AMOTL1: variants seen among roughly 807,000 people sequenced by gnomAD.
The protein encoded by AMOTL1 is angiomotin like 1, also known as angiomotin-like protein 1.
A neutral mutation model predicts 102.9 loss-of-function variants in AMOTL1; 45 were observed. That is an observed-to-expected ratio of 0.44 (90% CI 0.34 to 0.56). AMOTL1 has a LOEUF of 0.56. AMOTL1 is among the 20% of genes least tolerant of loss of function. AMOTL1 has a pLI of 0.01. For missense variants in AMOTL1, 1,114 were observed against 1,225.6 expected, an observed-to-expected ratio of 0.91 and a Z score of 1.36; for synonymous variants, 481 against 484.7, an observed-to-expected ratio of 0.99 and a Z score of 0.10.
chr11:94,800,303 G>A lies in AMOTL1; in HGVS notation c.1113G>A (p.Gly371=), dbSNP rs1416108328. ...GGTACCAGCCACCCCCTGAGTATGGGGTAACGAGGTGATTATCAACTGCAG... is the reference window on the plus strand; with the variant it reads ...GGTACCAGCCACCCCCTGAGTATGGAGTAACGAGGTGATTATCAACTGCAG... ...VLRYQPPPEY[G]VTSRPCQLPF... Residue 371 remains glycine, a synonymous_variant, in exon 3 of 13, where the codon GGG becomes GGA. Transcript: ENST00000433060. 3.8e-6 allele frequency: 6 copies of A among 1,589,238 alleles called. No individual in the cohort carries two copies. The highest frequency in any genetic ancestry group is 5.1e-6 in the Non-Finnish European group (6 of 1,169,348).
intron 11 of AMOTL1, among the ~76,000 whole-genome samples, chr11:94,868,707 C>T (rs181983807): frequency 6.4e-4 from 98 of 152,192 alleles, no homozygotes; most frequent in African/African-American, 2.0e-3. Flanking sequence ...TGTCTAGGAC[C>T]GGGGAAGCCT....
upstream of AMOTL1, among the ~76,000 whole-genome samples, chr11:94,767,521 A>G (rs1446150130): frequency 6.6e-6 from 1 of 152,088 alleles, no homozygotes; most frequent in Admixed American, 6.5e-5. Context: ...CTCTCCCACT[A>G]ACATCCTGGG....
At chr11:94,778,219 A>G (rs1327849989) in intron 1 of AMOTL1, among the ~76,000 whole-genome samples, 1 of 152,192 alleles carries the variant, frequency 6.6e-6, no homozygotes, top group Non-Finnish European at 1.5e-5. Context: ...TTAGGAGGAT[A>G]TGGAGGGCAA....
rs563513512 is a variant in AMOTL1, at chr11:94,778,279, C to T, written c.49+9719C>T. ...AGTGTGGGGGTATCTTACTAGAAAT[C>T]TGCTTAAATTGAGAAAATATGATGT... On this transcript the variant is annotated intron_variant, in intron 1 of 12. Coordinates refer to ENST00000433060, the MANE Select transcript of AMOTL1 (RefSeq NM_130847.3). 2.0e-3 allele frequency among the ~76,000 whole-genome samples: 304 copies of T among 152,260 alleles called. 2 individuals are homozygous for T. Among genetic ancestry groups the T allele is most frequent in the Non-Finnish European group, 3.3e-3 (223 of 68,012 alleles).
chr11:94,751,135 T>TG (rs1950648870), intron 3 of AMOTL1, among the ~76,000 whole-genome samples: 1 of 152,128 alleles, frequency 6.6e-6, no homozygotes, highest in South Asian at 2.1e-4. Flanking sequence ...TGTTAAAGTA[T>TG]CCAGCACAGG....
chr11:94,805,042 T>A (rs1229661716), intron 3 of AMOTL1, among the ~76,000 whole-genome samples: 1 of 152,266 alleles, frequency 6.6e-6, no homozygotes, highest in Non-Finnish European at 1.5e-5. Context: ...AGCTTGCAAG[T>A]GCAGGAGCCA....
At chr11:94,776,612 G>T (rs1483106964) in intron 1 of AMOTL1, among the ~76,000 whole-genome samples, 1 of 152,220 alleles carries the variant, frequency 6.6e-6, no homozygotes, top group Non-Finnish European at 1.5e-5. Context: ...CACACGCCCT[G>T]TGGCCACGTG....
chr11:94,746,652 C>T (rs2135484725), intron 3 of AMOTL1, among the ~76,000 whole-genome samples: 1 of 152,286 alleles, frequency 6.6e-6, no homozygotes, highest in South Asian at 2.1e-4. Context: ...TCCATTTTGG[C>T]TGCACATTAG....
chr11:94,834,032 A>G (rs893575039), intron 6 of AMOTL1, among the ~76,000 whole-genome samples: 5 of 152,194 alleles, frequency 3.3e-5, no homozygotes, highest in African/African-American at 1.2e-4. Context: ...AGATACTCAG[A>G]AGGTTGGATG....
chr11:94,777,034 AAC>A (rs1951034817), intron 1 of AMOTL1, among the ~76,000 whole-genome samples: 1 of 152,244 alleles, frequency 6.6e-6, no homozygotes, highest in Non-Finnish European at 1.5e-5. Context: ...ATTGCAGAAA[AAC>A]ACATGTAAAA....
chr11:94,730,008 G>A (rs554589585), intron 2 of AMOTL1, among the ~76,000 whole-genome samples: 8 of 152,256 alleles, frequency 5.3e-5, no homozygotes, highest in Middle Eastern at 3.4e-3. Flanking sequence ...TGAGATAGTC[G>A]CCAAAGGGAA....
intron 6 of AMOTL1, among the ~76,000 whole-genome samples, chr11:94,849,368 AT>A (rs1324069361): frequency 6.6e-6 from 1 of 152,252 alleles, no homozygotes; most frequent in Non-Finnish European, 1.5e-5. Flanking sequence ...AGAAATGCTC[AT>A]TCCATGACAC....
At chr11:94,798,022 G>A (rs931125310) in intron 2 of AMOTL1, among the ~76,000 whole-genome samples, 2 of 152,188 alleles carry the variant, frequency 1.3e-5, no homozygotes, top group Non-Finnish European at 2.9e-5. Context: ...AATAAGATGA[G>A]TGTCAGGGAA....
At chr11:94,862,266 C>T (rs1303071292) in intron 9 of AMOTL1, among the ~76,000 whole-genome samples, 1 of 152,110 alleles carries the variant, frequency 6.6e-6, no homozygotes, top group East Asian at 1.9e-4. Context: ...TCAAAGAAAA[C>T]CTCTGTCATT....
At chr11:94,806,433 A>G (rs567137303) in intron 3 of AMOTL1, among the ~76,000 whole-genome samples, 14 of 152,358 alleles carry the variant, frequency 9.2e-5, no homozygotes, top group East Asian at 1.9e-4. Flanking sequence ...AGTTTATGCA[A>G]TCATGAAAAT....
At chr11:94,769,560 G>C (rs1454007550) in intron 1 of AMOTL1, among the ~76,000 whole-genome samples, 1 of 152,210 alleles carries the variant, frequency 6.6e-6, no homozygotes, top group East Asian at 1.9e-4. Flanking sequence ...CTTTACTGAT[G>C]ACTAGGAAGA....
At chr11:94,781,084 T>G (rs1308944509) in intron 1 of AMOTL1, among the ~76,000 whole-genome samples, 2 of 152,198 alleles carry the variant, frequency 1.3e-5, no homozygotes, top group Non-Finnish European at 2.9e-5. Context: ...TGCAATTTCT[T>G]TTCTCCTCAC....
At chr11:94,784,214 T>C (rs1951149968) in intron 1 of AMOTL1, among the ~76,000 whole-genome samples, 1 of 152,146 alleles carries the variant, frequency 6.6e-6, no homozygotes, top group Non-Finnish European at 1.5e-5. Flanking sequence ...TAGTGTGTAG[T>C]TGGTTCACAT....
chr11:94,844,834 G>A (rs1373759057), intron 6 of AMOTL1, among the ~76,000 whole-genome samples: 2 of 152,148 alleles, frequency 1.3e-5, no homozygotes, highest in East Asian at 1.9e-4. Flanking sequence ...AAACACCTAT[G>A]TTTTACCTAC....
Sources: allele counts gnomAD v4.1 joint callset (sites outside exome capture counted in the v4.1 genomes callset), GRCh38; gene constraint gnomAD v4.1.1; transcripts MANE v1.5; gene names NCBI Gene and HGNC (gene_info 2026-07-23, HGNC 2026-07-21).